Variants in ZSCAN29 observed in about 807,000 individuals in gnomAD.
ZSCAN29 encodes the protein zinc finger and SCAN domain containing 29.
Under a neutral mutation model 71.9 loss-of-function variants are expected in ZSCAN29, and 55 were observed. That is an observed-to-expected ratio of 0.76 (90% CI 0.62 to 0.96). The LOEUF (loss-of-function observed/expected upper bound fraction) is 0.96. Ranked by LOEUF, ZSCAN29 falls within the 40% of genes least tolerant of loss-of-function variation. The probability of loss-of-function intolerance (pLI) is 0.00; values close to 1 mark genes in which losing one functional copy is unlikely to be tolerated. For missense variants in ZSCAN29, 1,042 were observed against 1,042.2 expected, an observed-to-expected ratio of 1.00 and a Z score of 0.00; for synonymous variants, 351 against 371.6, an observed-to-expected ratio of 0.94 and a Z score of 0.64.
chr15:43,363,913 A>G lies in ZSCAN29; in HGVS notation c.1690+2T>C, dbSNP rs1488511895. 1 of 1,581,524 alleles carries G rather than the reference A, an allele frequency of 6.3e-7. No individual in the cohort carries two copies. The highest frequency in any genetic ancestry group is 1.8e-5 in the Admixed American group (1 of 54,766). ...TATACCATAATAGTGAAATAATCTT[A>G]CCACGGGGGCTTTGGAATAACACTG... On this transcript the variant is annotated splice_donor_variant, in intron 5 of 5. Coordinates refer to ENST00000684362, the MANE Select transcript of ZSCAN29 (RefSeq NM_001372080.1). LOFTEE classifies it high-confidence loss of function.
rs1463068544 is a variant in ZSCAN29 at position 43,370,997 on chromosome 15, C to G, written c.-552G>C. The G allele has an allele frequency of 3.0e-6, 1 of 332,678 alleles. No homozygotes were observed. Among genetic ancestry groups the G allele is most frequent in the Non-Finnish European group, 5.7e-6 (1 of 174,646 alleles). The allele number at this position is 332,678 out of a possible 1,614,324, so 20.6% of individuals were successfully genotyped here. A position where few individuals can be genotyped will look rare whatever the true frequency, so the allele number is the denominator to read the frequency against. ...CTGACCCCGGCCCCGGCCCCGGCCC[C>G]GGCCCCGGCTCTCCAGCCTCCCAAG... On this transcript the variant is annotated 5_prime_UTR_variant, in exon 1 of 6. Coordinates refer to ENST00000684362, the MANE Select transcript of ZSCAN29 (RefSeq NM_001372080.1).
intron 4 of ZSCAN29, among the ~76,000 whole-genome samples, chr15:43,365,400 C>A (rs2044025990): frequency 6.6e-6 from 1 of 152,294 alleles, no homozygotes; most frequent in Non-Finnish European, 1.5e-5. Flanking sequence ...GTTAAACAAG[C>A]TTTCTCACTG....
chr15:43,361,402 T>G lies in ZSCAN29; in HGVS notation c.2230A>C (p.Asn744His). 2.5e-6 allele frequency: 4 copies of G among 1,614,218 alleles called. No individual in the cohort carries two copies. The highest frequency in any genetic ancestry group is 1.1e-5 in the South Asian group (1 of 91,084). ...TGAATGATAAGGCTTGAGCTCTGAT[T>G]GAAGCATTTCCCACACTCACCACAT... ...YQCGECGKCF[N>H]QSSSLIIHQR... is the part of the protein sequence containing the mutation. Residue 744 changes from asparagine (N) to histidine (H), a missense_variant, in exon 6 of 6, where the codon AAT becomes CAT. Coordinates refer to ENST00000684362, the MANE Select transcript of ZSCAN29 (RefSeq NM_001372080.1).
rs1407116245 is a variant in ZSCAN29, at chr15:43,359,149, G to A, written c.*1924C>T. 2.6e-5 allele frequency: 4 copies of A among 152,234 alleles called. No individual in the cohort carries two copies. In the East Asian group the frequency reaches 7.7e-4, roughly 29 times the overall value. The allele number at this position is 152,234 out of a possible 1,614,324, so 9.4% of individuals were successfully genotyped here. ...CTTTGACCACTTCCTGCTTCATGAAGCCTTCCTGAATAAAGAGAAAAAATA... is the reference window on the plus strand; with the variant it reads ...CTTTGACCACTTCCTGCTTCATGAAACCTTCCTGAATAAAGAGAAAAAATA... On this transcript the variant is annotated 3_prime_UTR_variant, in exon 6 of 6. Transcript: ENST00000684362.
chr15:43,368,341 C>T (rs1285026140), intron 3 of ZSCAN29, among the ~76,000 whole-genome samples: 1 of 59,194 alleles, frequency 1.7e-5, no homozygotes, highest in Non-Finnish European at 2.7e-5. Context: ...CCGGCTAAAA[C>T]GGTGAAACCC....
In ZSCAN29 at chr15:43,358,933, C is replaced by A. The variant is rs754073573; in HGVS notation, c.*2140G>T. 6.6e-6 allele frequency: 1 copy of A among 152,312 alleles called. No homozygotes were observed. The highest frequency in any genetic ancestry group is 1.5e-5 in the Non-Finnish European group (1 of 68,078). The allele number at this position is 152,312 out of a possible 1,614,324, so 9.4% of individuals were successfully genotyped here. Reference sequence around the variant, plus strand: ...TGCCTGCTGCACAGCCCATATCATACTATTCCTCAAGTTCTCATGCTACTC... The same window carrying A: ...TGCCTGCTGCACAGCCCATATCATAATATTCCTCAAGTTCTCATGCTACTC... On this transcript the variant is annotated 3_prime_UTR_variant, in exon 6 of 6. Coordinates refer to ENST00000684362, the MANE Select transcript of ZSCAN29 (RefSeq NM_001372080.1).
At chr15:43,367,008 A>G (rs1262619263) in intron 3 of ZSCAN29, among the ~76,000 whole-genome samples, 200 bp from the exon 4 acceptor site, 1 of 152,240 alleles carries the variant, frequency 6.6e-6, no homozygotes, top group Admixed American at 6.5e-5. Context: ...TATTTTCCAG[A>G]GCAGGGTGAC....
chr15:43,369,542 T>C (rs1255309275), intron 2 of ZSCAN29, 54 bp downstream of exon 2: 2 of 1,543,776 alleles, frequency 1.3e-6, no homozygotes, highest in African/African-American at 2.7e-5. Context: ...TATCTTAATT[T>C]AGCCCTCCAC....
chr15:43,363,595 C>T (rs1011659956), intron 5 of ZSCAN29, among the ~76,000 whole-genome samples: 8 of 152,188 alleles, frequency 5.3e-5, no homozygotes, highest in South Asian at 4.1e-4. Context: ...ACCGTGGGTA[C>T]GTGACATGCT....
Position 43,366,585 on chromosome 15 carries a change from GCCCC to G in ZSCAN29, c.743_746del (p.Trp248SerfsTer82). The G allele has an allele frequency of 6.2e-7, 1 of 1,614,214 alleles. No homozygotes were observed. Among genetic ancestry groups the G allele is most frequent in the Non-Finnish European group, 8.5e-7 (1 of 1,180,042 alleles). ...CGAGGAGCGTTCTGGTCTCTTCATA[GCCCC>G]AGTGCACACCTGCCACCTTCTCATC... On this transcript the variant is annotated frameshift_variant, in exon 4 of 6. Coordinates refer to ENST00000684362, the MANE Select transcript of ZSCAN29 (RefSeq NM_001372080.1). LOFTEE classifies it high-confidence loss of function.
chr15:43,369,270 G>T, intron 2 of ZSCAN29, 143 bp from the exon 3 acceptor site: 3 of 777,282 alleles, frequency 3.9e-6, no homozygotes, highest in Non-Finnish European at 5.7e-6. Context: ...GCGAACAAGG[G>T]TCTTATTCCA....
chr15:43,363,552 AAG>A lies in ZSCAN29; in HGVS notation c.1690+361_1690+362del, dbSNP rs1426137580. On this transcript the variant is annotated intron_variant, in intron 5 of 5. Coordinates refer to ENST00000684362, the MANE Select transcript of ZSCAN29 (RefSeq NM_001372080.1). The stretch of plus-strand genomic sequence containing the variant: ...GCTGAAACTAGAAGAAGACATATAA[AAG>A]AGAATGAACTTTTAAAATCAACTTC... Among the ~76,000 whole-genome samples the A allele has an allele frequency of 2.0e-5, 3 of 152,366 alleles. No homozygotes were observed. In the East Asian group the frequency reaches 5.8e-4, roughly 29 times the overall value.
intron 4 of ZSCAN29, among the ~76,000 whole-genome samples, chr15:43,364,657 C>G (rs1433174663): frequency 1.3e-5 from 2 of 151,962 alleles, no homozygotes; most frequent in African/African-American, 4.8e-5. Flanking sequence ...CCTGTAATCC[C>G]TGTGGATCGC....
chr15:43,370,818 G>A lies in ZSCAN29; in HGVS notation c.-373C>T, dbSNP rs1392826040. On this transcript the variant is annotated 5_prime_UTR_variant, in exon 1 of 6. Coordinates refer to ENST00000684362, the MANE Select transcript of ZSCAN29 (RefSeq NM_001372080.1). ...GCTCCCTCCGGCCGGGTAACCCGGA[G>A]CCGTCGTGCGGTCCCTCCAGAGGCC... is the stretch of plus-strand genomic sequence containing the variant. 6.5e-6 allele frequency: 1 copy of A among 153,532 alleles called. No homozygotes were observed. The highest frequency in any genetic ancestry group is 2.4e-5 in the African/African-American group (1 of 41,486). 9.5% of individuals were successfully genotyped at this position (153,532 alleles called of 1,614,324 possible).
rs532871496 is a variant in ZSCAN29, at chr15:43,369,363, C to A, written c.318+233G>T. The A allele has an allele frequency of 1.1e-4, 62 of 576,900 alleles. 1 individual carries two copies. In the South Asian group the frequency reaches 1.8e-3, roughly 16 times the overall value. The allele number at this position is 576,900 out of a possible 1,614,324, so 35.7% of individuals were successfully genotyped here. A position where few individuals can be genotyped will look rare whatever the true frequency, so the allele number is the denominator to read the frequency against. On this transcript the variant is annotated intron_variant, in intron 2 of 5. Coordinates refer to ENST00000684362, the MANE Select transcript of ZSCAN29 (RefSeq NM_001372080.1). ...CACCTTCAGGCTGAAAAAAAAAAAT[C>A]CCCTTTCTTCCCTATTAAGAAACTA...
At chr15:43,367,048 A>G (rs1335511899) in intron 3 of ZSCAN29, among the ~76,000 whole-genome samples, 1 of 152,252 alleles carries the variant, frequency 6.6e-6, no homozygotes, top group African/African-American at 2.4e-5. Flanking sequence ...TTGTGTGTTC[A>G]GAGCAGATAA....
chr15:43,368,817 C>A, intron 3 of ZSCAN29, 106 bp downstream of exon 3: 1 of 1,051,362 alleles, frequency 9.5e-7, no homozygotes, highest in Non-Finnish European at 1.4e-6. Flanking sequence ...ACCACATATT[C>A]TGCAATTTCC....
chr15:43,369,151 T>C (rs1165620118), intron 2 of ZSCAN29, 24 bp from the exon 3 acceptor site: 1 of 1,532,088 alleles, frequency 6.5e-7, no homozygotes, highest in Non-Finnish European at 8.8e-7. Flanking sequence ...CCGTTAATTG[T>C]CACTGCAAGA....
At chr15:43,362,980 TG>T (rs2043997064) in intron 5 of ZSCAN29, among the ~76,000 whole-genome samples, 1 of 147,958 alleles carries the variant, frequency 6.8e-6, no homozygotes, top group Non-Finnish European at 1.5e-5. Context: ...TAAGCAAACT[TG>T]GGGGTTAAGT....
Sources: allele counts gnomAD v4.1 joint callset (sites outside exome capture counted in the v4.1 genomes callset), GRCh38; gene constraint gnomAD v4.1.1; transcripts MANE v1.5; gene names NCBI Gene and HGNC (gene_info 2026-07-23, HGNC 2026-07-21).